The following ERBB4 variants were observed in gnomAD, a reference collection of about 807,000 sequenced individuals.
The protein encoded by ERBB4 is receptor tyrosine-protein kinase erbB-4.
A neutral mutation model predicts 158.0 loss-of-function variants in ERBB4; 42 were observed. The ratio of observed to expected loss-of-function variants is 0.27; its 90% CI spans 0.21 to 0.34. The LOEUF (loss-of-function observed/expected upper bound fraction) is 0.34. ERBB4 is among the 10% of genes least tolerant of loss of function. The pLI is 1.00. For missense variants in ERBB4, 1,333 were observed against 1,624.1 expected, an observed-to-expected ratio of 0.82 and a Z score of 3.08; for synonymous variants, 583 against 558.7, an observed-to-expected ratio of 1.04 and a Z score of -0.61.
At chr2:211,855,214 T>C (rs1203186974) in intron 3 of ERBB4, among the ~76,000 whole-genome samples, 3 of 152,178 alleles carry the variant, frequency 2.0e-5, no homozygotes, top group Admixed American at 6.5e-5. Flanking sequence ...CCTTAAGGAA[T>C]TGTAGAATTC....
chr2:211,653,868 G>A (rs1325073400), intron 16 of ERBB4, among the ~76,000 whole-genome samples: 1 of 151,894 alleles, frequency 6.6e-6, no homozygotes, highest in Non-Finnish European at 1.5e-5. Context: ...TAGAGATGGG[G>A]TTTCACCGTG....
intron 1 of ERBB4, among the ~76,000 whole-genome samples, chr2:212,273,679 G>A (rs1276646632): frequency 6.6e-6 from 1 of 151,798 alleles, no homozygotes; most frequent in East Asian, 1.9e-4. Flanking sequence ...ATCTGTGTCA[G>A]AGGTAAAGTA....
rs543936803 is a variant in ERBB4 at position 211,992,998 on chromosome 2, T to C, written c.235-45382A>G. Among the ~76,000 whole-genome samples the C allele has an allele frequency of 3.3e-5, 5 of 152,310 alleles. No individual in the cohort carries two copies. In the South Asian group the frequency reaches 8.3e-4, roughly 25 times the overall value. ...CAACTACCTGTCCTCTGCTCAGTCA[T>C]GTGTCAGTGAGTAAATCTGATAGCC... On this transcript the variant is annotated intron_variant, in intron 2 of 27. Coordinates refer to ENST00000342788, the MANE Select transcript of ERBB4 (RefSeq NM_005235.3).
chr2:212,435,691 C>A (rs940293273), intron 1 of ERBB4, among the ~76,000 whole-genome samples: 2 of 151,772 alleles, frequency 1.3e-5, no homozygotes, highest in African/African-American at 4.8e-5. Flanking sequence ...AAGTCTTTTC[C>A]ATGTATTTCC....
intron 1 of ERBB4, among the ~76,000 whole-genome samples, chr2:212,174,836 C>T (rs1482799481): frequency 6.6e-6 from 1 of 152,044 alleles, no homozygotes; most frequent in African/African-American, 2.4e-5. Context: ...TAAATTGCTG[C>T]TGTTGACTAA....
chr2:212,296,517 T>C (rs1304287811), intron 1 of ERBB4, among the ~76,000 whole-genome samples: 1 of 152,030 alleles, frequency 6.6e-6, no homozygotes, highest in Non-Finnish European at 1.5e-5. Flanking sequence ...AAAATTAATA[T>C]ATTCAAGATA....
Position 211,379,569 on chromosome 2 carries a change from A to G in ERBB4, c.*4046T>C, listed in dbSNP as rs892217428. On this transcript the variant is annotated 3_prime_UTR_variant, in exon 28 of 28. Coordinates refer to ENST00000342788, the MANE Select transcript of ERBB4 (RefSeq NM_005235.3). ...CCTACATTTTTATATCCTGCATTTAACTTTGTTACATTATACTTGTGGTTA... is the reference window on the plus strand; with the variant it reads ...CCTACATTTTTATATCCTGCATTTAGCTTTGTTACATTATACTTGTGGTTA... 6 of 231,024 alleles carry G rather than the reference A, an allele frequency of 2.6e-5. No individual in the cohort carries two copies. Among genetic ancestry groups the G allele is most frequent in the African/African-American group, 1.3e-4 (6 of 45,218 alleles). 14.3% of individuals were successfully genotyped at this position (231,024 alleles called of 1,614,324 possible). A position where few individuals can be genotyped will look rare whatever the true frequency, so the allele number is the denominator to read the frequency against.
At chr2:211,933,568 C>T (rs923098368) in intron 3 of ERBB4, among the ~76,000 whole-genome samples, 2 of 151,964 alleles carry the variant, frequency 1.3e-5, no homozygotes, top group South Asian at 4.1e-4. Context: ...AAAATGTATA[C>T]CTAAACATAT....
chr2:211,376,251 C>T lies in ERBB4; in HGVS notation c.*7364G>A. On this transcript the variant is annotated 3_prime_UTR_variant, in exon 28 of 28. Coordinates refer to ENST00000342788, the MANE Select transcript of ERBB4 (RefSeq NM_005235.3). ...GTAATGTCAAAATGATAACTTCCAA[C>T]CAAAAAAGAAACAATCACAGGCCAA... The T allele has an allele frequency of 4.3e-6, 1 of 232,846 alleles. No homozygotes were observed. Among genetic ancestry groups the T allele is most frequent in the Non-Finnish European group, 8.5e-6 (1 of 117,638 alleles). 14.4% of individuals were successfully genotyped at this position (232,846 alleles called of 1,614,324 possible). A position where few individuals can be genotyped will look rare whatever the true frequency, so the allele number is the denominator to read the frequency against.
rs114353680 is a variant in ERBB4 at position 212,009,510 on chromosome 2, G to T, written c.235-61894C>A. On this transcript the variant is annotated intron_variant, in intron 2 of 27. Coordinates refer to ENST00000342788, the MANE Select transcript of ERBB4 (RefSeq NM_005235.3). ...CCTTATGACCACCAGCACTGTAAGA[G>T]AATAAATTCCTATTGTTTTAACACA... 9.1e-3 allele frequency among the ~76,000 whole-genome samples: 1,387 copies of T among 151,998 alleles called. 16 individuals are homozygous for T. The highest frequency in any genetic ancestry group is 0.032 in the African/African-American group (1,326 of 41,454).
At position 211,528,348 on chromosome 2, in the gene ERBB4, G is replaced by A. The variant is rs191499028; in HGVS notation, c.2487+33555C>T. Among the ~76,000 whole-genome samples the A allele has an allele frequency of 8.1e-3, 1,231 of 151,778 alleles. 35 individuals carry two copies. Among genetic ancestry groups the A allele is most frequent in the Admixed American group, 0.065 (995 of 15,260 alleles). The stretch of plus-strand genomic sequence containing the variant: ...ATATGTACTCAACATTGGAGCATCC[G>A]GATATATAAAGCAAATATTATTAGA... On this transcript the variant is annotated intron_variant, in intron 20 of 27. Transcript: ENST00000342788.
chr2:212,057,578 G>A (rs1055827047), intron 2 of ERBB4, among the ~76,000 whole-genome samples: 4 of 152,142 alleles, frequency 2.6e-5, no homozygotes, highest in African/African-American at 9.7e-5. Context: ...ATAACAAACT[G>A]TCTCTCAGAC....
chr2:212,476,763 TA>T (rs1480777979), intron 1 of ERBB4, among the ~76,000 whole-genome samples: 5 of 152,160 alleles, frequency 3.3e-5, no homozygotes, highest in African/African-American at 1.2e-4. Flanking sequence ...CTGGGATCCA[TA>T]AAAATATTTT....
intron 3 of ERBB4, among the ~76,000 whole-genome samples, chr2:211,937,433 T>C (rs964322413): frequency 6.6e-6 from 1 of 152,180 alleles, no homozygotes; most frequent in African/African-American, 2.4e-5. Context: ...TATCTTCTAT[T>C]AACACTTACT....
chr2:212,170,772 G>A (rs1228485999), intron 1 of ERBB4, among the ~76,000 whole-genome samples: 1 of 152,138 alleles, frequency 6.6e-6, no homozygotes, highest in East Asian at 1.9e-4. Context: ...GTCAAGAATT[G>A]AGGTTTGGGA....
intron 19 of ERBB4, among the ~76,000 whole-genome samples, chr2:211,581,920 G>C (rs574019124): frequency 2.6e-5 from 4 of 152,190 alleles, no homozygotes; most frequent in South Asian, 4.1e-4. Flanking sequence ...TGAGGCAGGA[G>C]AATCACTTGA....
At chr2:212,270,191 C>T (rs2085293403) in intron 1 of ERBB4, among the ~76,000 whole-genome samples, 1 of 151,502 alleles carries the variant, frequency 6.6e-6, no homozygotes, top group East Asian at 1.9e-4. Context: ...TTCTGATGAC[C>T]AAAAGAGTAG....
In ERBB4 at chr2:211,750,482, CA is replaced by C. The variant is rs531073186; in HGVS notation, c.622+156del. 1.4e-3 allele frequency among the ~76,000 whole-genome samples: 219 copies of C among 152,232 alleles called. 1 individual carries two copies. The Middle Eastern group carries it at 0.024, about 17-fold the overall frequency. On this transcript the variant is annotated intron_variant, in intron 5 of 27. Transcript: ENST00000342788. ...TTATATATTAATTTTCATTTGAAAG[CA>C]ATGAAAATCGGGTAGTTTTCTTGGC...
intron 1 of ERBB4, among the ~76,000 whole-genome samples, chr2:212,166,082 C>T (rs1006430185): frequency 1.3e-5 from 2 of 151,232 alleles, no homozygotes; most frequent in African/African-American, 2.4e-5. Context: ...TCTATTTAGT[C>T]CTGCCCCAAA....
Sources: allele counts gnomAD v4.1 joint callset (sites outside exome capture counted in the v4.1 genomes callset), GRCh38; gene constraint gnomAD v4.1.1; transcripts MANE v1.5; gene names NCBI Gene and HGNC (gene_info 2026-07-23, HGNC 2026-07-21).